Variants in DLGAP2 observed in about 807,000 individuals in gnomAD.
The protein encoded by DLGAP2 is DLG associated protein 2, also known as disks large-associated protein 2.
A neutral mutation model predicts 100.3 loss-of-function variants in DLGAP2; 26 were observed. The ratio of observed to expected loss-of-function variants is 0.26; its 90% CI spans 0.19 to 0.36. The LOEUF is 0.36. DLGAP2 is among the 10% of genes least tolerant of loss of function. The pLI is 1.00. For missense variants in DLGAP2, 1,858 were observed against 1,453.2 expected, an observed-to-expected ratio of 1.28 and a Z score of -4.53; for synonymous variants, 886 against 630.1, an observed-to-expected ratio of 1.41 and a Z score of -6.08.
chr8:972,339 A>G (rs1043473560), intron 2 of DLGAP2, among the ~76,000 whole-genome samples: 5 of 152,266 alleles, frequency 3.3e-5, no homozygotes, highest in Non-Finnish European at 5.9e-5. Flanking sequence ...TAGATATAGC[A>G]GAGACTGAAA....
At chr8:896,870 G>A (rs1211391571) in intron 1 of DLGAP2, among the ~76,000 whole-genome samples, 1 of 152,188 alleles carries the variant, frequency 6.6e-6, no homozygotes, top group African/African-American at 2.4e-5. Flanking sequence ...GTCTCTTAAT[G>A]AATTGATGAA....
chr8:1,299,453 C>A (rs1015677722), intron 3 of DLGAP2, among the ~76,000 whole-genome samples: 7 of 152,204 alleles, frequency 4.6e-5, no homozygotes, highest in African/African-American at 1.7e-4. Flanking sequence ...TAATAATACT[C>A]TTTGTGATAA....
intron 1 of DLGAP2, among the ~76,000 whole-genome samples, chr8:797,620 G>C (rs1011960003): frequency 4.6e-5 from 7 of 152,178 alleles, no homozygotes; most frequent in Non-Finnish European, 1.0e-4. Flanking sequence ...AACTTTTGGA[G>C]AACTTGGCAC....
chr8:1,514,915 C>T (rs1218772648), intron 4 of DLGAP2, among the ~76,000 whole-genome samples: 1 of 152,186 alleles, frequency 6.6e-6, no homozygotes, highest in East Asian at 1.9e-4. Flanking sequence ...AGGGGAAGAG[C>T]CCCTACAAGA....
chr8:1,058,708 A>C (rs1046564674), intron 2 of DLGAP2, among the ~76,000 whole-genome samples: 2 of 152,182 alleles, frequency 1.3e-5, no homozygotes, highest in African/African-American at 4.8e-5. Flanking sequence ...TGTGGTTGTC[A>C]CCTCTTAAGA....
At chr8:1,249,079 C>T (rs1050943155) in intron 2 of DLGAP2, among the ~76,000 whole-genome samples, 2 of 152,164 alleles carry the variant, frequency 1.3e-5, no homozygotes, top group Non-Finnish European at 2.9e-5. Context: ...GCTGAGAACA[C>T]CAGAAATGGA....
At chr8:1,510,384 G>A (rs1247355200) in intron 4 of DLGAP2, among the ~76,000 whole-genome samples, 2 of 152,200 alleles carry the variant, frequency 1.3e-5, no homozygotes, top group South Asian at 2.1e-4. Flanking sequence ...TCTGCAGTGC[G>A]TGACGAACGT....
chr8:1,191,850 A>C (rs112321156), intron 2 of DLGAP2, among the ~76,000 whole-genome samples: 2 of 152,356 alleles, frequency 1.3e-5, no homozygotes, highest in African/African-American at 4.8e-5. Context: ...TTACGTGTTC[A>C]CATTACAGTC....
intron 3 of DLGAP2, among the ~76,000 whole-genome samples, chr8:1,430,450 C>G (rs544590844): frequency 2.6e-5 from 4 of 152,242 alleles, no homozygotes; most frequent in Admixed American, 6.5e-5. Context: ...TCACATTAGG[C>G]AAAGGACTTT....
chr8:1,255,011 G>GCGCTGTGTGTGTGTCTTCTCCTGCCCGGC (rs1799152159), intron 2 of DLGAP2, among the ~76,000 whole-genome samples: 7 of 45,376 alleles, frequency 1.5e-4, no homozygotes, highest in Admixed American at 2.7e-4. Context: ...TCCTGCTTGG[G>GCGCTGTGTGTGTGTCTTCTCCTGCCCGGC]CGCTGTGTGT....
chr8:1,265,150 C>G (rs1381865909), intron 3 of DLGAP2, among the ~76,000 whole-genome samples: 1 of 152,094 alleles, frequency 6.6e-6, no homozygotes, highest in Non-Finnish European at 1.5e-5. Context: ...AATGAACAAC[C>G]AAAGCCCTAG....
intron 1 of DLGAP2, among the ~76,000 whole-genome samples, chr8:793,232 G>A (rs1038991474): frequency 2.6e-5 from 4 of 152,162 alleles, no homozygotes; most frequent in African/African-American, 9.7e-5. Context: ...CTAAAAATAT[G>A]TTTATTCCCA....
chr8:1,633,737 G>C (rs899101617), intron 8 of DLGAP2, among the ~76,000 whole-genome samples: 1 of 152,142 alleles, frequency 6.6e-6, no homozygotes, highest in African/African-American at 2.4e-5. Context: ...CGCACATAGA[G>C]GTTAAGGAAA....
At chr8:917,483 C>T (rs1410081809) in intron 2 of DLGAP2, among the ~76,000 whole-genome samples, 1 of 152,180 alleles carries the variant, frequency 6.6e-6, no homozygotes, top group Non-Finnish European at 1.5e-5. Flanking sequence ...AGCTGTGCTC[C>T]TGCCTTGGCC....
intron 2 of DLGAP2, among the ~76,000 whole-genome samples, chr8:1,113,517 T>C (rs911199355): frequency 3.3e-5 from 5 of 152,222 alleles, no homozygotes; most frequent in Non-Finnish European, 1.5e-5. Context: ...TTTTGGTGTG[T>C]AAGAATGCTA....
At chr8:775,316 C>G (rs1490460829) in intron 1 of DLGAP2, among the ~76,000 whole-genome samples, 4 of 152,000 alleles carry the variant, frequency 2.6e-5, no homozygotes, top group Admixed American at 2.6e-4. Context: ...TTGACTTCCT[C>G]TTTTCCTAAT....
chr8:1,284,839 G>C (rs899002790), intron 3 of DLGAP2, among the ~76,000 whole-genome samples: 13 of 152,082 alleles, frequency 8.5e-5, no homozygotes, highest in South Asian at 2.1e-4. Context: ...TGGAACTTCT[G>C]GCCTCCCACC....
intron 1 of DLGAP2, among the ~76,000 whole-genome samples, chr8:903,615 C>G (rs766521192): frequency 6.6e-6 from 1 of 152,134 alleles, no homozygotes; most frequent in African/African-American, 2.4e-5. Flanking sequence ...TTCCTCCACT[C>G]TGTTCATGGG....
At chr8:1,105,452 A>G (rs773434044) in intron 2 of DLGAP2, among the ~76,000 whole-genome samples, 4 of 151,896 alleles carry the variant, frequency 2.6e-5, no homozygotes, top group Non-Finnish European at 5.9e-5. Flanking sequence ...TCACCCTAAC[A>G]TGGTTCTGGT....
Sources: gnomAD v4.1 joint callset for allele counts (sites outside exome capture counted in the v4.1 genomes callset) on GRCh38, gnomAD v4.1.1 for gene constraint, MANE v1.5 for transcripts, NCBI Gene and HGNC (gene_info 2026-07-23, HGNC 2026-07-21) for gene names.